AHRR: variants seen among roughly 807,000 people sequenced by gnomAD.
AHRR encodes ahR repressor.
Under a neutral mutation model 44.0 loss-of-function variants are expected in AHRR, and 28 were observed. The ratio of observed to expected loss-of-function variants is 0.64; its 90% confidence interval spans 0.47 to 0.87. AHRR has a LOEUF of 0.87. AHRR is among the 40% of genes least tolerant of loss of function. The pLI, the probability that AHRR is intolerant of heterozygous loss-of-function variation, is 0.00. For missense variants in AHRR, 990 were observed against 953.9 expected (o/e 1.04, Z -0.50); for synonymous variants, 434 against 407.0 (o/e 1.07, Z -0.80).
At position 341,532 on chromosome 5, in the gene AHRR, C is replaced by CTT. The variant is rs35385059; in HGVS notation, c.-10-2348_-10-2347dup. On this transcript the variant is annotated intron_variant, in intron 1 of 10. Transcript: ENST00000684583. The stretch of plus-strand genomic sequence containing the variant: ...CCTTTCCTTTCCTTTCCTTTTCCTT[C>CTT]TTTTTTTTTTTTTTGACAGAGCCTC... 3.8e-4 allele frequency among the ~76,000 whole-genome samples: 39 copies of CTT among 103,740 alleles called. 1 individual carries two copies. The highest frequency in any genetic ancestry group is 4.2e-4 in the Non-Finnish European group (22 of 52,718). 68.1% of individuals were successfully genotyped at this position (103,740 alleles called of 152,430 possible). A position where few individuals can be genotyped will look rare whatever the true frequency, so the allele number is the denominator to read the frequency against.
At chr5:352,784 T>C (rs1742901727) in intron 2 of AHRR, among the ~76,000 whole-genome samples, 1 of 150,586 alleles carries the variant, frequency 6.6e-6, no homozygotes, top group African/African-American at 2.5e-5. Flanking sequence ...TGAGGTTAAA[T>C]GGGTCAGCCG....
chr5:421,212 G>A (rs1736097075), intron 5 of AHRR: 4 of 676,344 alleles, frequency 5.9e-6, no homozygotes, highest in South Asian at 1.5e-5. Context: ...CGGACCCAGC[G>A]GCCTCCTCGT....
chr5:331,100 C>T (rs1741896067), intron 1 of AHRR, among the ~76,000 whole-genome samples: 1 of 152,072 alleles, frequency 6.6e-6, no homozygotes, highest in African/African-American at 2.4e-5. Flanking sequence ...TGATCTTGAT[C>T]TCTTGACCAC....
chr5:431,621 C>T (rs1736735892), intron 8 of AHRR, among the ~76,000 whole-genome samples: 2 of 152,006 alleles, frequency 1.3e-5, no homozygotes, highest in Admixed American at 6.6e-5. Flanking sequence ...CCCATGGCCC[C>T]CAGCAGCGGC....
chr5:323,843 G>A (rs1055174106), intron 1 of AHRR, among the ~76,000 whole-genome samples: 2 of 152,142 alleles, frequency 1.3e-5, no homozygotes, highest in African/African-American at 2.4e-5. Flanking sequence ...GAGACTCAAC[G>A]GAGCTCCTTG....
intron 3 of AHRR, 55 bp from the exon 4 acceptor site, chr5:376,555 A>ACCGGGGGGG: frequency 7.0e-7 from 1 of 1,428,920 alleles, no homozygotes; most frequent in Non-Finnish European, 9.4e-7. Context: ...TGAATGAAGA[A>ACCGGGGGGG]GAGTGGCCAG....
At chr5:379,692 G>A (rs1371397792) in intron 4 of AHRR, among the ~76,000 whole-genome samples, 2 of 152,132 alleles carry the variant, frequency 1.3e-5, no homozygotes, top group African/African-American at 4.8e-5. Flanking sequence ...TCATTTGCTT[G>A]TTTACTATTC....
intron 1 of AHRR, among the ~76,000 whole-genome samples, chr5:340,995 G>C: frequency 6.6e-6 from 1 of 150,458 alleles, no homozygotes. Context: ...ACTGCACCCA[G>C]CTCTATAATT....
intron 7 of AHRR, 162 bp from the exon 8 acceptor site, chr5:427,645 G>T: frequency 6.2e-7 from 1 of 1,613,428 alleles, no homozygotes; most frequent in Non-Finnish European, 8.5e-7. Context: ...AGGCCCGGGG[G>T]TCACAGGCTT....
At chr5:349,269 C>G (rs912313088) in intron 2 of AHRR, among the ~76,000 whole-genome samples, 1 of 152,218 alleles carries the variant, frequency 6.6e-6, no homozygotes, top group Non-Finnish European at 1.5e-5. Flanking sequence ...TTAATATTGA[C>G]TTTCAAAAGA....
intron 4 of AHRR, among the ~76,000 whole-genome samples, chr5:394,648 G>A (rs1464170371): frequency 6.6e-6 from 1 of 151,856 alleles, no homozygotes; most frequent in Non-Finnish European, 1.5e-5. Flanking sequence ...CTCCCTGTGT[G>A]CTGGAACCCT....
chr5:400,828 A>G (rs912356675), intron 4 of AHRR, among the ~76,000 whole-genome samples: 1 of 152,266 alleles, frequency 6.6e-6, no homozygotes, highest in Non-Finnish European at 1.5e-5. Context: ...AAGACATTTT[A>G]TATACTCAAG....
chr5:322,870 C>T (rs1741552549), intron 1 of AHRR, among the ~76,000 whole-genome samples: 1 of 152,252 alleles, frequency 6.6e-6, no homozygotes, highest in African/African-American at 2.4e-5. Flanking sequence ...GGGACGCCAC[C>T]GCCTGGGGAA....
At chr5:376,553 G>GGA (rs1733691830) in intron 3 of AHRR, 57 bp from the exon 4 acceptor site, 34 of 298,522 alleles carry the variant, frequency 1.1e-4, no homozygotes, top group South Asian at 1.6e-4. Context: ...TGTGAATGAA[G>GGA]AAGAGTGGCC....
At chr5:367,217 G>C (rs1743391005) in intron 3 of AHRR, among the ~76,000 whole-genome samples, 2 of 152,232 alleles carry the variant, frequency 1.3e-5, no homozygotes, top group Non-Finnish European at 2.9e-5. Flanking sequence ...TGGAGGAGCT[G>C]GGGGGAAGAG....
intron 4 of AHRR, chr5:403,794 C>T (rs1391136292): frequency 1.9e-6 from 3 of 1,538,650 alleles, no homozygotes; most frequent in Non-Finnish European, 2.7e-6. Context: ...GGTCTCTTTC[C>T]TGGGTCTCTT....
At chr5:398,202 T>TCCTGACCATCCATGTTAGCC (rs1553985708) in intron 4 of AHRR, among the ~76,000 whole-genome samples, 1 of 49,914 alleles carries the variant, frequency 2.0e-5, no homozygotes, top group Non-Finnish European at 3.2e-5. Context: ...TCCACGTAGC[T>TCCTGACCATCCATGTTAGCC]CCTGACCATC....
At chr5:344,002 A>C (rs922819107) in intron 2 of AHRR, 38 bp downstream of exon 2, 9 of 1,576,396 alleles carry the variant, frequency 5.7e-6, no homozygotes, top group Non-Finnish European at 7.7e-6. Context: ...GGGTTGTTGC[A>C]CCCATGGAAG....
In AHRR at chr5:405,146, C is replaced by T. The variant is rs552665261; in HGVS notation, c.352-8198C>T. Among the ~76,000 whole-genome samples, 3 of 152,212 alleles carry T rather than the reference C, an allele frequency of 2.0e-5. No individual in the cohort carries two copies. The highest frequency in any genetic ancestry group is 2.1e-4 in the South Asian group (1 of 4,816). On this transcript the variant is annotated intron_variant, in intron 4 of 10. Coordinates refer to ENST00000684583, the MANE Select transcript of AHRR (RefSeq NM_001377236.1). The surrounding 1 kb of genome is among the most constrained non-coding windows in gnomAD (Gnocchi z 4.5). ...TTCTCTTGGGGAAATCTGGGCAAAC[C>T]GAGAGCTTGTGAACAGCCCCGATGG...
Sources: gnomAD v4.1 joint callset for allele counts (sites outside exome capture counted in the v4.1 genomes callset) on GRCh38, gnomAD v4.1.1 for gene constraint, Gnocchi (gnomAD v3.1) non-coding constraint, MANE v1.5 for transcripts, NCBI Gene and HGNC (gene_info 2026-07-23, HGNC 2026-07-21) for gene names.